CCDC39: variants seen among roughly 807,000 people sequenced by gnomAD.
The protein encoded by CCDC39 is coiled-coil domain 39 molecular ruler complex subunit.
Under a neutral mutation model 121.0 loss-of-function variants are expected in CCDC39, and 113 were observed. The observed-to-expected ratio is 0.93, with a 90% CI of 0.80 to 1.09. The LOEUF (loss-of-function observed/expected upper bound fraction) is 1.09, where lower values mean the gene tolerates loss of function less well. Among genes scored for constraint, CCDC39 ranks in the 50% least tolerant of loss-of-function variants. The pLI is 0.00. For missense variants in CCDC39, 1,063 were observed against 1,074.7 expected (o/e 0.99, Z 0.15); for synonymous variants, 349 against 352.2 (o/e 0.99, Z 0.10).
chr3:180,668,114 A>G (rs941700285), intron 1 of CCDC39, among the ~76,000 whole-genome samples: 1 of 152,194 alleles, frequency 6.6e-6, no homozygotes, highest in Non-Finnish European at 1.5e-5. Context: ...ACAATGGCTC[A>G]TGCCTGTAAT....
intron 1 of CCDC39, among the ~76,000 whole-genome samples, chr3:180,674,386 G>A (rs1490422769): frequency 1.3e-5 from 2 of 151,930 alleles, no homozygotes; most frequent in Non-Finnish European, 2.9e-5. Context: ...GGGCTGAGAC[G>A]ATGGGGTTTT....
intron 13 of CCDC39, among the ~76,000 whole-genome samples, chr3:180,633,633 A>G (rs1292595176): frequency 6.6e-6 from 1 of 152,224 alleles, no homozygotes; most frequent in Non-Finnish European, 1.5e-5. Context: ...TAGAAAAAAG[A>G]AACCTGGAGG....
At chr3:180,669,813 A>G (rs1378103343) in intron 1 of CCDC39, among the ~76,000 whole-genome samples, 1 of 152,160 alleles carries the variant, frequency 6.6e-6, no homozygotes, top group Admixed American at 6.6e-5. Flanking sequence ...CTTGACCAGT[A>G]TCTATAAAAA....
rs1412382295 is a variant in CCDC39 at position 180,679,327 on chromosome 3, C to T, written c.54G>A (p.Pro18=). ...ELHWEDGFAI[P]VANEENKLLE... is the part of the protein sequence containing the mutation. ...GTAGCTTGTTCTCCTCGTTCGCCAC[C>T]GGGATGGCGAACCCATCCTCCCAGT... The change falls in exon 1 of 20, where the codon CCG becomes CCA. Residue 18 remains proline (P), a synonymous_variant. Coordinates refer to ENST00000476379, the MANE Select transcript of CCDC39 (RefSeq NM_181426.2). This position sits in a 1 kb window ranked among gnomAD's most constrained non-coding sequence, Gnocchi z 4.0. 13 of 1,613,760 alleles carry T rather than the reference C, an allele frequency of 8.1e-6. No homozygotes were observed. The highest frequency in any genetic ancestry group is 1.1e-5 in the Non-Finnish European group (13 of 1,179,826).
intron 12 of CCDC39, among the ~76,000 whole-genome samples, chr3:180,643,464 C>G (rs963899922): frequency 1.3e-5 from 2 of 151,734 alleles, no homozygotes; most frequent in Non-Finnish European, 2.9e-5. Flanking sequence ...ATTTTTAAAC[C>G]ACCAATTTTA....
intron 4 of CCDC39, 78 bp from the exon 5 acceptor site, chr3:180,659,847 T>C (rs1711698795): frequency 2.3e-6 from 2 of 884,464 alleles, no homozygotes; most frequent in South Asian, 3.3e-5. Context: ...TAACATTAAA[T>C]AGTATTACAC....
At chr3:180,678,627 T>C (rs961853591) in intron 1 of CCDC39, among the ~76,000 whole-genome samples, 2 of 152,040 alleles carry the variant, frequency 1.3e-5, no homozygotes, top group Admixed American at 6.6e-5. Context: ...GTGCTGGGAT[T>C]ACAGGTGTGA....
At chr3:180,645,342 A>G (rs1718044816) in intron 11 of CCDC39, among the ~76,000 whole-genome samples, 1 of 152,052 alleles carries the variant, frequency 6.6e-6, no homozygotes, top group Admixed American at 6.6e-5. Context: ...CCAGTTTTCC[A>G]GTTTTATACC....
intron 13 of CCDC39, among the ~76,000 whole-genome samples, chr3:180,633,758 A>G (rs899518352): frequency 1.3e-5 from 2 of 152,206 alleles, no homozygotes; most frequent in Non-Finnish European, 2.9e-5. Flanking sequence ...CCAAAGGAAG[A>G]CTTGAATGAA....
intron 16 of CCDC39, among the ~76,000 whole-genome samples, chr3:180,617,986 T>G (rs1717311295): frequency 6.6e-6 from 1 of 152,158 alleles, no homozygotes; most frequent in South Asian, 2.1e-4. Flanking sequence ...TACCATTTTT[T>G]TAATCCATTA....
intron 1 of CCDC39, among the ~76,000 whole-genome samples, chr3:180,675,443 A>G (rs2108436471): frequency 6.6e-6 from 1 of 152,150 alleles, no homozygotes; most frequent in African/African-American, 2.4e-5. Context: ...TCCTGGATTC[A>G]TTGATTTTTT....
rs1192483792 is a variant in CCDC39 at position 180,659,499 on chromosome 3, T to C, written c.691A>G (p.Ile231Val). 1.2e-6 allele frequency: 2 copies of C among 1,613,606 alleles called. No individual in the cohort carries two copies. The highest frequency in any genetic ancestry group is 1.7e-6 in the Non-Finnish European group (2 of 1,179,708). The change falls in exon 6 of 20, where the codon ATA (isoleucine) becomes GTA (valine). Residue 231 changes from isoleucine to valine, a missense_variant. Transcript: ENST00000476379. Reference sequence around the variant, plus strand: ...CCATCCCTCTTCTGCATCTGTTCTATTGTGTTCTCCCATTGTTTAATGAGT... The same window carrying C: ...CCATCCCTCTTCTGCATCTGTTCTACTGTGTTCTCCCATTGTTTAATGAGT... Reference protein sequence around the residue: ...QELIKQWENTIEQMQKRDGDI... With the variant: ...QELIKQWENTVEQMQKRDGDI...
chr3:180,624,984 G>A (rs1025874486), intron 14 of CCDC39, among the ~76,000 whole-genome samples: 8 of 151,882 alleles, frequency 5.3e-5, no homozygotes, highest in Non-Finnish European at 1.0e-4. Flanking sequence ...TAGACATTCT[G>A]ATTACAATAC....
chr3:180,644,122 G>A lies in CCDC39; in HGVS notation c.1663C>T (p.Gln555Ter). ...ATATGCATACAATTTTACTGCACCT[G>A]CTTAAAACCTTTGGCTTTATCAAGT... ...KELDKAKGFK[Q>*]DLMIEDNLLK... is the part of the protein sequence containing the mutation. Residue 555 changes from glutamine (Q) to a stop codon, truncating the protein, a stop_gained and splice_region_variant, in exon 12 of 20, where the codon CAG (glutamine) becomes TAG (stop). Coordinates refer to ENST00000476379, the MANE Select transcript of CCDC39 (RefSeq NM_181426.2). LOFTEE classifies it high-confidence loss of function. 2 of 1,540,514 alleles carry A rather than the reference G, an allele frequency of 1.3e-6. No homozygotes were observed. The highest frequency in any genetic ancestry group is 1.2e-5 in the South Asian group (1 of 81,216).
At chr3:180,675,595 C>T (rs917230110) in intron 1 of CCDC39, among the ~76,000 whole-genome samples, 4 of 152,160 alleles carry the variant, frequency 2.6e-5, no homozygotes, top group African/African-American at 4.8e-5. Context: ...TTAGATCTTT[C>T]CTGCTTTCTC....
chr3:180,616,216 T>A (rs1717231926), intron 19 of CCDC39, 65 bp downstream of exon 19: 1 of 1,368,666 alleles, frequency 7.3e-7, no homozygotes, highest in Non-Finnish European at 1.0e-6. Context: ...GATGTAGAAG[T>A]GGCTGGAATC....
chr3:180,660,332 C>G (rs530556775), intron 4 of CCDC39, among the ~76,000 whole-genome samples: 3 of 152,150 alleles, frequency 2.0e-5, no homozygotes, highest in African/African-American at 7.2e-5. Context: ...CATGAATCCT[C>G]AAATAATCAA....
At chr3:180,643,613 A>G (rs1446645154) in intron 12 of CCDC39, among the ~76,000 whole-genome samples, 2 of 152,184 alleles carry the variant, frequency 1.3e-5, no homozygotes, top group Non-Finnish European at 1.5e-5. Context: ...GGTACCCTCT[A>G]GAAGAGAATT....
intron 13 of CCDC39, among the ~76,000 whole-genome samples, chr3:180,641,466 T>C (rs1461709391): frequency 6.6e-6 from 1 of 152,106 alleles, no homozygotes; most frequent in African/African-American, 2.4e-5. Flanking sequence ...AAAACTGTTA[T>C]TATTTGAAAA....
Sources: gnomAD v4.1 joint callset for allele counts (sites outside exome capture counted in the v4.1 genomes callset) on GRCh38, gnomAD v4.1.1 for gene constraint, Gnocchi (gnomAD v3.1) non-coding constraint, MANE v1.5 for transcripts, NCBI Gene and HGNC (gene_info 2026-07-23, HGNC 2026-07-21) for gene names.